Variants in SLC6A5 observed in about 807,000 individuals in gnomAD.
The protein encoded by SLC6A5 is sodium- and chloride-dependent glycine transporter 2.
In SLC6A5, 58 loss-of-function variants were observed where a neutral mutation model predicts 90.5. The ratio of observed to expected loss-of-function variants is 0.64; its 90% CI spans 0.52 to 0.80. The LOEUF (loss-of-function observed/expected upper bound fraction) is 0.80, where lower values mean the gene tolerates loss of function less well. Among genes scored for constraint, SLC6A5 ranks in the 30% least tolerant of loss-of-function variants. SLC6A5 has a pLI of 0.00. For missense variants in SLC6A5, 1,015 were observed against 1,017.6 expected, an observed-to-expected ratio of 1.00 and a Z score of 0.03; for synonymous variants, 427 against 401.4, an observed-to-expected ratio of 1.06 and a Z score of -0.76.
chr11:20,631,865 G>T lies in SLC6A5; in HGVS notation c.1624+1050G>T, dbSNP rs184371345. Among the ~76,000 whole-genome samples, 273 of 152,220 alleles carry T rather than the reference G, an allele frequency of 1.8e-3. 1 individual carries two copies. The highest frequency in any genetic ancestry group is 6.3e-3 in the African/African-American group (261 of 41,518). On this transcript the variant is annotated intron_variant, in intron 10 of 15. Coordinates refer to ENST00000525748, the MANE Select transcript of SLC6A5 (RefSeq NM_004211.5). Reference sequence around the variant, plus strand: ...TAAGCCCTGGAAATGTCACCTTCTTGGATACTAAGATTTCTTCTGGCTCCC... The same window carrying T: ...TAAGCCCTGGAAATGTCACCTTCTTTGATACTAAGATTTCTTCTGGCTCCC...
At chr11:20,605,074 C>T (rs1414428430) in intron 3 of SLC6A5, among the ~76,000 whole-genome samples, 1 of 152,148 alleles carries the variant, frequency 6.6e-6, no homozygotes, top group Non-Finnish European at 1.5e-5. Context: ...AGGCTTGCAT[C>T]GGCTGCTGGG....
chr11:20,646,808 C>G, intron 13 of SLC6A5, 26 bp from the exon 14 acceptor site: 2 of 1,521,404 alleles, frequency 1.3e-6, no homozygotes, highest in Non-Finnish European at 1.8e-6. Flanking sequence ...GTGCCTTATA[C>G]CTGTTCTCTG....
intron 10 of SLC6A5, among the ~76,000 whole-genome samples, chr11:20,635,686 C>A (rs1418341099): frequency 1.3e-5 from 2 of 152,128 alleles, no homozygotes; most frequent in African/African-American, 4.8e-5. Context: ...GAAATGATGT[C>A]ATTCTGGTCA....
At chr11:20,600,351 GA>G (rs1565268984) in intron 1 of SLC6A5, among the ~76,000 whole-genome samples, 9 of 117,354 alleles carry the variant, frequency 7.7e-5, no homozygotes, top group Middle Eastern at 3.9e-3. Flanking sequence ...AGAAGAAGAA[GA>G]AGAAGAAGAA....
chr11:20,636,335 G>T lies in SLC6A5; in HGVS notation c.1653G>T (p.Pro551=). 2 of 1,613,652 alleles carry T rather than the reference G, an allele frequency of 1.2e-6. No individual in the cohort carries two copies. Among genetic ancestry groups the T allele is most frequent in the Non-Finnish European group, 1.7e-6 (2 of 1,179,584 alleles). Residue 551 remains proline, a synonymous_variant, in exon 11 of 16, where the codon CCG becomes CCT. Transcript: ENST00000525748. The part of the protein sequence containing the change: ...QGPGIAFVVY[P]EALTRLPLSP... ...CAGGCATTGCATTTGTGGTTTACCC[G>T]GAAGCCTTAACCAGGCTGCCTCTCT...
chr11:20,601,745 C>A, intron 2 of SLC6A5, 80 bp downstream of exon 2: 1 of 1,460,438 alleles, frequency 6.8e-7, no homozygotes, highest in Non-Finnish European at 9.4e-7. Context: ...GTGGCGGGTG[C>A]ACGTATGCTG....
chr11:20,600,614 T>C (rs537949986), intron 1 of SLC6A5, among the ~76,000 whole-genome samples: 12 of 152,330 alleles, frequency 7.9e-5, no homozygotes, highest in Non-Finnish European at 1.6e-4. Flanking sequence ...AGGTGGGTTG[T>C]GGAGCGCTGG....
chr11:20,656,605 A>G lies in SLC6A5; in HGVS notation c.*1737A>G, dbSNP rs2133829546. On this transcript the variant is annotated 3_prime_UTR_variant, in exon 16 of 16. Transcript: ENST00000525748. ...GCAAGTATCATCGCCATTTGCCAAC[A>G]TCAATATGAACTTCCAGTTTTTAAG... 6.6e-6 allele frequency: 1 copy of G among 152,330 alleles called. No individual in the cohort carries two copies. The highest frequency in any genetic ancestry group is 2.1e-4 in the South Asian group (1 of 4,826). 9.4% of individuals were successfully genotyped at this position (152,330 alleles called of 1,614,324 possible). A position where few individuals can be genotyped will look rare whatever the true frequency, so the allele number is the denominator to read the frequency against.
intron 10 of SLC6A5, among the ~76,000 whole-genome samples, chr11:20,631,750 CG>C (rs1472868314): frequency 2.0e-5 from 3 of 152,116 alleles, no homozygotes; most frequent in Non-Finnish European, 4.4e-5. Flanking sequence ...AACCAAGGGG[CG>C]TACCTGTGAG....
intron 10 of SLC6A5, 74 bp downstream of exon 10, chr11:20,630,889 T>C (rs992392789): frequency 1.3e-6 from 2 of 1,559,772 alleles, no homozygotes; most frequent in African/African-American, 1.4e-5. Context: ...ATTTAGACTA[T>C]GCTGGGAAGC....
intron 10 of SLC6A5, among the ~76,000 whole-genome samples, chr11:20,635,564 A>G: frequency 6.6e-6 from 1 of 152,164 alleles, no homozygotes; most frequent in East Asian, 1.9e-4. Flanking sequence ...TGCATGCCAG[A>G]CTTAATACTT....
intron 14 of SLC6A5, among the ~76,000 whole-genome samples, chr11:20,648,683 G>A (rs1449569844): frequency 2.0e-5 from 3 of 152,268 alleles, no homozygotes; most frequent in Admixed American, 6.5e-5. Flanking sequence ...AACACTCATG[G>A]TTTATGCTTG....
rs141203003 is a variant in SLC6A5 at position 20,641,563 on chromosome 11, A to G, written c.1969+3005A>G. Among the ~76,000 whole-genome samples the G allele has an allele frequency of 4.3e-3, 654 of 152,276 alleles. 6 individuals carry two copies. The highest frequency in any genetic ancestry group is 0.014 in the Middle Eastern group (4 of 294). On this transcript the variant is annotated intron_variant, in intron 13 of 15. Transcript: ENST00000525748. ...AAATCTGCAAATTCAAGCTTAATTT[A>G]TTTCTCTGTGAGCCCCCTCCCTGAG... is the stretch of plus-strand genomic sequence containing the variant.
chr11:20,635,595 C>T (rs77494319), intron 10 of SLC6A5, among the ~76,000 whole-genome samples: 3 of 152,124 alleles, frequency 2.0e-5, no homozygotes, highest in African/African-American at 7.2e-5. Flanking sequence ...GTGATCTGTG[C>T]AGCAAACCAC....
chr11:20,653,481 G>T (rs1300405108), intron 15 of SLC6A5, among the ~76,000 whole-genome samples: 1 of 152,170 alleles, frequency 6.6e-6, no homozygotes, highest in African/African-American at 2.4e-5. Flanking sequence ...GAATGAAGAA[G>T]GAACAGGCCT....
intron 7 of SLC6A5, among the ~76,000 whole-genome samples, chr11:20,624,352 T>C (rs1284122817): frequency 6.6e-6 from 1 of 151,924 alleles, no homozygotes; most frequent in Non-Finnish European, 1.5e-5. Flanking sequence ...GGGGTTTCAC[T>C]ATGTTGCCCA....
intron 13 of SLC6A5, among the ~76,000 whole-genome samples, chr11:20,645,064 C>T (rs1329205641): frequency 3.3e-5 from 5 of 152,082 alleles, no homozygotes; most frequent in African/African-American, 7.2e-5. Flanking sequence ...CCACCTGCCT[C>T]GGCCTCCCAA....
intron 13 of SLC6A5, among the ~76,000 whole-genome samples, chr11:20,644,842 G>T (rs184480149): frequency 6.6e-6 from 1 of 150,538 alleles, no homozygotes; most frequent in Non-Finnish European, 1.5e-5. Context: ...ACAGAGTTTC[G>T]CTCTGGTTGC....
Position 20,652,323 on chromosome 11 carries a change from C to T in SLC6A5, c.2105C>T (p.Pro702Leu). The part of the protein sequence containing the change: ...ILCFSFYQWE[P>L]MTYGSYRYPN... The stretch of plus-strand genomic sequence containing the variant: ...TGCTTCAGCTTTTACCAGTGGGAGC[C>T]CATGACCTATGGCTCTTACCGCTAT... The change falls in exon 15 of 16, where the codon CCC becomes CTC. Residue 702 changes from proline to leucine, a missense_variant. By Grantham distance (98) the Pro-to-Leu change is moderately conservative. This residue lies in a region of SLC6A5 where 442 missense variants were observed against 494.3 expected (regional missense o/e 0.89). Coordinates refer to ENST00000525748, the MANE Select transcript of SLC6A5 (RefSeq NM_004211.5). The T allele has an allele frequency of 6.2e-7, 1 of 1,614,116 alleles. No individual in the cohort carries two copies. Among genetic ancestry groups the T allele is most frequent in the Non-Finnish European group, 8.5e-7 (1 of 1,180,000 alleles).
Sources: allele counts gnomAD v4.1 joint callset (sites outside exome capture counted in the v4.1 genomes callset), GRCh38; gene constraint gnomAD v4.1.1; regional missense constraint gnomAD v4.1.1; transcripts MANE v1.5; gene names NCBI Gene and HGNC (gene_info 2026-07-23, HGNC 2026-07-21).